CNTN4: variants seen among roughly 807,000 people sequenced by gnomAD.
CNTN4 encodes the protein contactin 4.
Under a neutral mutation model 122.5 loss-of-function variants are expected in CNTN4, and 77 were observed. The observed-to-expected ratio is 0.63, with a 90% CI of 0.52 to 0.76. CNTN4 has a LOEUF of 0.76. CNTN4 is among the 30% of genes least tolerant of loss of function. The pLI, the probability that CNTN4 is intolerant of heterozygous loss-of-function variation, is 0.00. For missense variants in CNTN4, 1,256 were observed against 1,259.1 expected (o/e 1.00, Z 0.04); for synonymous variants, 512 against 447.0 (o/e 1.15, Z -1.83).
chr3:2,141,542 A>G (rs541595664), intron 2 of CNTN4, among the ~76,000 whole-genome samples: 1 of 152,282 alleles, frequency 6.6e-6, no homozygotes, highest in African/African-American at 2.4e-5. Context: ...CAGAACTGTA[A>G]GATAGTAAAT....
At chr3:3,039,910 TAACAA>T in intron 19 of CNTN4, 122 bp from the exon 20 acceptor site, 2 of 736,372 alleles carry the variant, frequency 2.7e-6, no homozygotes, top group Non-Finnish European at 4.9e-6. Context: ...AAAAGACTGT[TAACAA>T]AACGCCAAAT....
chr3:2,705,826 A>ATAT (rs1428722224), intron 4 of CNTN4, among the ~76,000 whole-genome samples: 47 of 105,380 alleles, frequency 4.5e-4, no homozygotes, highest in African/African-American at 1.7e-3. Context: ...AATATATAAT[A>ATAT]AATATATATA....
intron 2 of CNTN4, among the ~76,000 whole-genome samples, chr3:2,286,617 A>G (rs948317928): frequency 1.3e-5 from 2 of 152,194 alleles, no homozygotes; most frequent in Non-Finnish European, 2.9e-5. Context: ...GAGATGCATT[A>G]TAGATGACTT....
intron 3 of CNTN4, among the ~76,000 whole-genome samples, chr3:2,547,493 T>A (rs2078298254): frequency 6.6e-6 from 1 of 152,108 alleles, no homozygotes; most frequent in African/African-American, 2.4e-5. Flanking sequence ...CTCAAACTCC[T>A]GACCTCAGGT....
intron 12 of CNTN4, among the ~76,000 whole-genome samples, chr3:2,907,299 G>A (rs1438502527): frequency 6.6e-6 from 1 of 152,168 alleles, no homozygotes; most frequent in East Asian, 1.9e-4. Context: ...TTGGCCGGGT[G>A]TAGTGGCTCA....
At chr3:2,219,844 A>G (rs1559352916) in intron 2 of CNTN4, among the ~76,000 whole-genome samples, 1 of 152,132 alleles carries the variant, frequency 6.6e-6, no homozygotes, top group Non-Finnish European at 1.5e-5. Context: ...AAATATAGAC[A>G]TTAAACTTAA....
intron 3 of CNTN4, among the ~76,000 whole-genome samples, chr3:2,453,295 A>T (rs2048894714): frequency 6.6e-6 from 1 of 152,172 alleles, no homozygotes; most frequent in Non-Finnish European, 1.5e-5. Flanking sequence ...TGAACTTTTC[A>T]TGTGAATGCC....
Position 2,651,194 on chromosome 3 carries a change from C to T in CNTN4, c.55+79636C>T, listed in dbSNP as rs191879285. On this transcript the variant is annotated intron_variant, in intron 4 of 24. Coordinates refer to ENST00000418658, the MANE Select transcript of CNTN4 (RefSeq NM_175607.3). ...GCCATTGCAGTCTATTTAACAGCTC[C>T]ATTCTTTCACCACCTCCTTTGATCT... Among the ~76,000 whole-genome samples the T allele has an allele frequency of 7.2e-5, 11 of 152,248 alleles. No individual in the cohort carries two copies. The East Asian group carries it at 2.1e-3, about 29-fold the overall frequency.
rs771746426 is a variant in CNTN4, at chr3:3,030,845, A to G, written c.1663-10A>G. The G allele has an allele frequency of 1.3e-5, 21 of 1,613,658 alleles. No individual in the cohort carries two copies. In the African/African-American group the frequency reaches 2.7e-4, roughly 21 times the overall value. ...AAAGTAATTGCAGCCACTTTCCCCT[A>G]CTTTATCAGCAGGATTCAGCTGGTG... On this transcript the variant is annotated splice_polypyrimidine_tract_variant and intron_variant, in intron 15 of 24. Coordinates refer to ENST00000418658, the MANE Select transcript of CNTN4 (RefSeq NM_175607.3).
chr3:2,449,394 C>T (rs759340979), intron 3 of CNTN4, among the ~76,000 whole-genome samples: 6 of 152,018 alleles, frequency 3.9e-5, no homozygotes, highest in Non-Finnish European at 8.8e-5. Flanking sequence ...GTGGGTGCGT[C>T]ACCTGAAGTC....
chr3:2,583,569 A>T (rs2080044488), intron 4 of CNTN4, among the ~76,000 whole-genome samples: 1 of 152,214 alleles, frequency 6.6e-6, no homozygotes, highest in Admixed American at 6.5e-5. Flanking sequence ...AAGATTTCAG[A>T]TAGTGGTTTT....
intron 24 of CNTN4, among the ~76,000 whole-genome samples, chr3:3,054,982 A>G (rs368043882): frequency 3.9e-5 from 6 of 152,314 alleles, no homozygotes; most frequent in Admixed American, 1.3e-4. Context: ...ATTGGTAAAA[A>G]GATGATATTT....
At chr3:2,264,499 A>G (rs2040963996) in intron 2 of CNTN4, among the ~76,000 whole-genome samples, 1 of 151,938 alleles carries the variant, frequency 6.6e-6, no homozygotes, top group Non-Finnish European at 1.5e-5. Context: ...TGGGTTTCTC[A>G]TGTATTCTGG....
intron 13 of CNTN4, among the ~76,000 whole-genome samples, chr3:2,987,382 A>T (rs1042230822): frequency 6.6e-6 from 1 of 152,210 alleles, no homozygotes. Context: ...ATTTTAAAAG[A>T]TCATCTGGCC....
At chr3:2,347,841 T>C (rs1301443030) in intron 3 of CNTN4, among the ~76,000 whole-genome samples, 1 of 149,742 alleles carries the variant, frequency 6.7e-6, no homozygotes, top group South Asian at 2.1e-4. Context: ...TTAGAAGCTC[T>C]TTTTGGTTTA....
chr3:2,961,439 A>C (rs983258153), intron 13 of CNTN4, among the ~76,000 whole-genome samples: 2 of 152,088 alleles, frequency 1.3e-5, no homozygotes, highest in Non-Finnish European at 2.9e-5. Flanking sequence ...GATATCTGCT[A>C]ATATAATGGA....
chr3:2,275,932 A>C (rs1334972616), intron 2 of CNTN4, among the ~76,000 whole-genome samples: 4 of 100,120 alleles, frequency 4.0e-5, no homozygotes, highest in Admixed American at 1.1e-4. Context: ...AAAAAAAAAA[A>C]AAAAACAAAA....
At chr3:2,754,770 A>T (rs989675846) in intron 6 of CNTN4, among the ~76,000 whole-genome samples, 4 of 152,074 alleles carry the variant, frequency 2.6e-5, no homozygotes, top group Non-Finnish European at 5.9e-5. Flanking sequence ...AAAAGAAAAA[A>T]TTTTAAAAAG....
intron 4 of CNTN4, among the ~76,000 whole-genome samples, chr3:2,604,543 G>T (rs2081180644): frequency 6.6e-6 from 1 of 152,080 alleles, no homozygotes; most frequent in African/African-American, 2.4e-5. Flanking sequence ...ATAAAGTAGG[G>T]CAGATTTGTT....
Sources: gnomAD v4.1 joint callset for allele counts (sites outside exome capture counted in the v4.1 genomes callset) on GRCh38, gnomAD v4.1.1 for gene constraint, MANE v1.5 for transcripts, NCBI Gene and HGNC (gene_info 2026-07-23, HGNC 2026-07-21) for gene names.